HELB: variants seen among roughly 807,000 people sequenced by gnomAD.
HELB encodes DNA 5'-3' helicase B.
Under a neutral mutation model 101.7 loss-of-function variants are expected in HELB, and 96 were observed. The observed-to-expected ratio is 0.94, with a 90% CI of 0.80 to 1.12. The LOEUF is 1.12. Ranked by LOEUF, HELB falls within the 50% of genes most tolerant of loss-of-function variation. The pLI, the probability that HELB is intolerant of heterozygous loss-of-function variation, is 0.00. For synonymous variants in HELB, 437 were observed against 459.7 expected, an observed-to-expected ratio of 0.95 and a Z score of 0.63; for missense variants, 1,210 against 1,291.9, an observed-to-expected ratio of 0.94 and a Z score of 0.97.
intron 11 of HELB, among the ~76,000 whole-genome samples, chr12:66,327,787 TAAAAATAAA>T (rs990755172): frequency 5.3e-5 from 8 of 151,656 alleles, no homozygotes; most frequent in Admixed American, 2.0e-4. Flanking sequence ...GACACAGTCA[TAAAAATAAA>T]AAAAATAAAA....
At chr12:66,328,843 G>A (rs946026258) in intron 11 of HELB, among the ~76,000 whole-genome samples, 10 of 151,914 alleles carry the variant, frequency 6.6e-5, no homozygotes, top group South Asian at 2.1e-4. Context: ...GTAAAATACA[G>A]GTATATTATT....
intron 9 of HELB, 108 bp from the exon 10 acceptor site, chr12:66,323,875 T>G: frequency 1.4e-6 from 1 of 723,904 alleles, no homozygotes; most frequent in African/African-American, 1.8e-5. Flanking sequence ...AAATAAAATG[T>G]GGAAATTATT....
rs1327885421 is a variant in HELB at position 66,310,378 on chromosome 12, A to C, written c.1450A>C (p.Ile484Leu). 6.2e-7 allele frequency: 1 copy of C among 1,614,238 alleles called. No individual in the cohort carries two copies. The highest frequency in any genetic ancestry group is 8.5e-7 in the Non-Finnish European group (1 of 1,180,046). ...GAAAGGTGGATGTGGGAAGACCACAATCGTTAGCCGTCTTTTTAAGCATAT... is the reference window on the plus strand; with the variant it reads ...GAAAGGTGGATGTGGGAAGACCACACTCGTTAGCCGTCTTTTTAAGCATAT... ...SGKGGCGKTT[I>L]VSRLFKHIEQ... The change falls in exon 4 of 13, where the codon ATC becomes CTC. Residue 484 changes from isoleucine to leucine, a missense_variant. Physicochemically the swap from Ile to Leu is conservative, Grantham distance 5 (BLOSUM62 2). Around this residue, in one of 2 missense-constraint regions of HELB, gnomAD observed 740 missense variants for 728.8 expected, o/e 1.02. Transcript: ENST00000247815.
chr12:66,318,622 G>T lies in HELB; in HGVS notation c.2001-16G>T. On this transcript the variant is annotated splice_polypyrimidine_tract_variant and intron_variant, in intron 6 of 12. Coordinates refer to ENST00000247815, the MANE Select transcript of HELB (RefSeq NM_001370285.1). ...ATGATAATGTTCTTTGTGTGTGTGT[G>T]TTATCTTTATTCAAGAATCTCAAGA... 6.3e-7 allele frequency: 1 copy of T among 1,590,650 alleles called. No homozygotes were observed. The highest frequency in any genetic ancestry group is 8.5e-7 in the Non-Finnish European group (1 of 1,173,578).
rs746030057 is a variant in HELB at position 66,323,951 on chromosome 12, C to G, written c.2298-32C>G. 13 of 1,455,768 alleles carry G rather than the reference C, an allele frequency of 8.9e-6. 1 individual carries two copies. The South Asian group carries it at 1.5e-4, about 17-fold the overall frequency. The allele number at this position is 1,455,768 out of a possible 1,614,324, so 90.2% of individuals were successfully genotyped here. A position where few individuals can be genotyped will look rare whatever the true frequency, so the allele number is the denominator to read the frequency against. On this transcript the variant is annotated intron_variant, in intron 9 of 12. Coordinates refer to ENST00000247815, the MANE Select transcript of HELB (RefSeq NM_001370285.1). The stretch of plus-strand genomic sequence containing the variant: ...ACAAGTGAAACGGAGACTTTCCAAA[C>G]TTTGATTATATATTATCATTTTCTA...
intron 12 of HELB, among the ~76,000 whole-genome samples, chr12:66,332,764 T>G (rs1417636489): frequency 6.6e-6 from 1 of 152,258 alleles, no homozygotes; most frequent in African/African-American, 2.4e-5. Flanking sequence ...AGGTGTCCGT[T>G]AAGATTCACT....
chr12:66,303,086 CTTTTTTT>C (rs74262414), intron 1 of HELB, among the ~76,000 whole-genome samples: 1,725 of 125,586 alleles, frequency 0.014, 46 homozygotes, highest in African/African-American at 0.043. Flanking sequence ...GCGGGTTGCC[CTTTTTTT>C]TTTTTTTTTT....
chr12:66,322,733 T>C lies in HELB; in HGVS notation c.2247T>C (p.Cys749=). 6.2e-7 allele frequency: 1 copy of C among 1,609,998 alleles called. No individual in the cohort carries two copies. Residue 749 remains cysteine (C), a synonymous_variant, in exon 9 of 13, where the codon TGT becomes TGC. Coordinates refer to ENST00000247815, the MANE Select transcript of HELB (RefSeq NM_001370285.1). ...SQFIAFRRQD[C]DLINDCCCKH... ...TTTTCGTGTGTTTCAGGCAAGACTG[T>C]GATCTAATTAATGACTGCTGCTGCA...
Position 66,302,699 on chromosome 12 carries a change from C to T in HELB, c.96C>T (p.Asp32=), listed in dbSNP as rs1180785136. The part of the protein sequence containing the change: ...VEEDDDYLND[D]VEEDEESVFI... Reference sequence around the variant, plus strand: ...AGGACGACGACTACCTAAACGACGACGTGGAGGAGGATGAAGAGTCCGTGT... The same window carrying T: ...AGGACGACGACTACCTAAACGACGATGTGGAGGAGGATGAAGAGTCCGTGT... The change falls in exon 1 of 13, where the codon GAC becomes GAT. Residue 32 remains aspartate, a synonymous_variant. Coordinates refer to ENST00000247815, the MANE Select transcript of HELB (RefSeq NM_001370285.1). 1 of 1,614,100 alleles carries T rather than the reference C, an allele frequency of 6.2e-7. No homozygotes were observed. The highest frequency in any genetic ancestry group is 2.2e-5 in the East Asian group (1 of 44,876).
rs771213026 is a variant in HELB at position 66,318,804 on chromosome 12, C to A, written c.2155+12C>A. 9.5e-6 allele frequency: 15 copies of A among 1,583,232 alleles called. No homozygotes were observed. Among genetic ancestry groups the A allele is most frequent in the Middle Eastern group, 1.7e-4 (1 of 5,766 alleles). On this transcript the variant is annotated intron_variant, in intron 7 of 12. Transcript: ENST00000247815. ...TAATCATCACTCTTGTAAGTATAAACTTCTATGAGATGTAGAGTTAAGTAT... is the reference window on the plus strand; with the variant it reads ...TAATCATCACTCTTGTAAGTATAAAATTCTATGAGATGTAGAGTTAAGTAT...
downstream of HELB, chr12:66,341,397 C>T (rs2053917401): frequency 6.6e-6 from 1 of 152,114 alleles, no homozygotes; most frequent in African/African-American, 2.4e-5. Context: ...GTGGGTCTTC[C>T]TCTCCCACTC....
chr12:66,313,965 A>C, intron 4 of HELB, 21 bp from the exon 5 acceptor site: 3 of 1,609,422 alleles, frequency 1.9e-6, no homozygotes, highest in Non-Finnish European at 2.5e-6. Context: ...TGACTTTAGG[A>C]ATGCCATACT....
At chr12:66,333,810 T>C (rs1352301362) in intron 12 of HELB, among the ~76,000 whole-genome samples, 1 of 152,124 alleles carries the variant, frequency 6.6e-6, no homozygotes, top group Non-Finnish European at 1.5e-5. Context: ...TTTATTCTGC[T>C]TGCAGTGGGA....
chr12:66,326,350 C>T (rs1200226975), intron 11 of HELB, among the ~76,000 whole-genome samples: 1 of 152,058 alleles, frequency 6.6e-6, no homozygotes, highest in African/African-American at 2.4e-5. Context: ...TCAAGTGATT[C>T]TCCTGCCTCA....
intron 9 of HELB, 142 bp from the exon 10 acceptor site, chr12:66,323,841 C>T: frequency 1.6e-6 from 1 of 622,416 alleles, no homozygotes. Flanking sequence ...TTTCTTGTTG[C>T]TCATTGGAGA....
intron 12 of HELB, among the ~76,000 whole-genome samples, chr12:66,333,786 G>C (rs1032463385): frequency 6.6e-6 from 1 of 152,190 alleles, no homozygotes; most frequent in Non-Finnish European, 1.5e-5. Context: ...AGGGCCACGG[G>C]AATGAGTTGG....
Position 66,315,325 on chromosome 12 carries a change from A to G in HELB, c.1942A>G (p.Ile648Val), listed in dbSNP as rs75324469. Reference protein sequence around the residue: ...FETLKSRNCAIELKTNHRAES... With the variant: ...FETLKSRNCAVELKTNHRAES... ...GACTCTTAAGTCAAGAAATTGTGCT[A>G]TTGAGCTAAAGACAAACCATAGAGC... Residue 648 changes from isoleucine (I) to valine (V), a missense_variant, in exon 6 of 13, where the codon ATT becomes GTT. Coordinates refer to ENST00000247815, the MANE Select transcript of HELB (RefSeq NM_001370285.1). 5,065 of 1,610,262 alleles carry G rather than the reference A, an allele frequency of 3.1e-3. 129 individuals carry two copies. In the African/African-American group the frequency reaches 0.052, roughly 17 times the overall value.
Position 66,331,562 on chromosome 12 carries a change from A to G in HELB, c.3079A>G (p.Thr1027Ala), listed in dbSNP as rs368164516. Residue 1027 changes from threonine to alanine, a missense_variant, in exon 12 of 13, where the codon ACA becomes GCA. By Grantham distance (58) the Thr-to-Ala change is moderately conservative. Transcript: ENST00000247815. Reference protein sequence around the residue: ...WQLSSPDGVDTDDDLPKSRAS... With the variant: ...WQLSSPDGVDADDDLPKSRAS... ...ATTATCTTCACCTGATGGAGTAGAT[A>G]CAGATGATGATTTACCAAAATCGCG... 57 of 1,613,800 alleles carry G rather than the reference A, an allele frequency of 3.5e-5. 1 individual carries two copies. The East Asian group carries it at 5.1e-4, about 15-fold the overall frequency.
Position 66,331,456 on chromosome 12 carries a change from C to G in HELB, c.2973C>G (p.Asp991Glu), listed in dbSNP as rs1460498181. 5.0e-6 allele frequency: 8 copies of G among 1,614,078 alleles called. No individual in the cohort carries two copies. The highest frequency in any genetic ancestry group is 6.8e-6 in the Non-Finnish European group (8 of 1,180,044). Residue 991 changes from aspartate (D) to glutamate (E), a missense_variant, in exon 12 of 13, where the codon GAC (aspartate) becomes GAG (glutamate). Coordinates refer to ENST00000247815, the MANE Select transcript of HELB (RefSeq NM_001370285.1). ...PSASPLPVVT[D>E]HAMTNDVTWS... is the part of the protein sequence containing the mutation. The stretch of plus-strand genomic sequence containing the variant: ...CATCTCCACTCCCTGTAGTCACAGA[C>G]CACGCCATGACAAATGATGTCACCT...
Sources: gnomAD v4.1 joint callset for allele counts (sites outside exome capture counted in the v4.1 genomes callset) on GRCh38, gnomAD v4.1.1 for gene constraint, gnomAD v4.1.1 regional missense constraint, MANE v1.5 for transcripts, NCBI Gene and HGNC (gene_info 2026-07-23, HGNC 2026-07-21) for gene names.